The following SLC37A1 variants were observed in gnomAD, a reference collection of about 807,000 sequenced individuals.
SLC37A1 encodes the protein glucose-6-phosphate exchanger SLC37A1.
A neutral mutation model predicts 75.3 loss-of-function variants in SLC37A1; 49 were observed. That is an observed-to-expected ratio of 0.65 (90% CI 0.52 to 0.83). The LOEUF (loss-of-function observed/expected upper bound fraction) is 0.83, where lower values mean the gene tolerates loss of function less well. Ranked by LOEUF, SLC37A1 falls within the 40% of genes least tolerant of loss-of-function variation. SLC37A1 has a pLI of 0.00. For synonymous variants in SLC37A1, 268 were observed against 292.1 expected, an observed-to-expected ratio of 0.92 and a Z score of 0.84; for missense variants, 566 against 695.0, an observed-to-expected ratio of 0.81 and a Z score of 2.09.
At chr21:42,532,677 A>G (rs2055019632) in intron 3 of SLC37A1, among the ~76,000 whole-genome samples, 1 of 152,142 alleles carries the variant, frequency 6.6e-6, no homozygotes, top group Admixed American at 6.5e-5. Flanking sequence ...TCTCACGATC[A>G]CACTCCCAGC....
chr21:42,511,688 G>A (rs544047541), upstream of SLC37A1, among the ~76,000 whole-genome samples: 1 of 152,224 alleles, frequency 6.6e-6, no homozygotes, highest in Admixed American at 6.5e-5. Flanking sequence ...AGGAGGCTGA[G>A]GGGGAGGATC....
At chr21:42,544,593 G>A (rs371181358) in intron 8 of SLC37A1, among the ~76,000 whole-genome samples, 74 of 152,322 alleles carry the variant, frequency 4.9e-4, no homozygotes, top group African/African-American at 1.8e-3. Flanking sequence ...TGGGGGCCCC[G>A]GGCTGCACTC....
Position 42,570,088 on chromosome 21 carries a change from C to T in SLC37A1, c.1423+1650C>T, listed in dbSNP as rs1263290585. Among the ~76,000 whole-genome samples the T allele has an allele frequency of 8.6e-4, 92 of 107,288 alleles. 4 individuals carry two copies. Among genetic ancestry groups the T allele is most frequent in the Middle Eastern group, 5.0e-3 (1 of 200 alleles). The allele number at this position is 107,288 out of a possible 152,430, so 70.4% of individuals were successfully genotyped here. A position where few individuals can be genotyped will look rare whatever the true frequency, so the allele number is the denominator to read the frequency against. ...GGCCGTTGCCATGTCATGCGACACA[C>T]GGCCTGGTTCTGAGAAGTGGTGGGC... On this transcript the variant is annotated intron_variant, in intron 17 of 19. Transcript: ENST00000352133.
intron 17 of SLC37A1, among the ~76,000 whole-genome samples, chr21:42,570,127 CCATGTGACACACGGCCTGGT>C (rs2056104195): frequency 2.3e-5 from 1 of 43,180 alleles, no homozygotes; most frequent in African/African-American, 7.2e-5. Context: ...GTGGCTGTTG[CCATGTGACACACGGCCTGGT>C]TCTGAGAAGC....
At chr21:42,525,149 C>T (rs2054750316) in intron 2 of SLC37A1, among the ~76,000 whole-genome samples, 1 of 152,242 alleles carries the variant, frequency 6.6e-6, no homozygotes, top group Non-Finnish European at 1.5e-5. Context: ...AGCTCCCTGC[C>T]CCATACCTCG....
intron 3 of SLC37A1, among the ~76,000 whole-genome samples, chr21:42,533,675 A>G (rs1395013005): frequency 6.6e-6 from 1 of 151,488 alleles, no homozygotes; most frequent in African/African-American, 2.4e-5. Flanking sequence ...CTCTCTGCCC[A>G]GGGTTTGTTT....
At chr21:42,569,756 C>T (rs1439545983) in intron 17 of SLC37A1, among the ~76,000 whole-genome samples, 3 of 152,258 alleles carry the variant, frequency 2.0e-5, no homozygotes, top group Admixed American at 1.3e-4. Context: ...GCCACTGGAA[C>T]GGAAGCTCCA....
chr21:42,554,261 A>G, intron 10 of SLC37A1, 119 bp downstream of exon 10: 3 of 849,900 alleles, frequency 3.5e-6, no homozygotes, highest in Non-Finnish European at 5.4e-6. Flanking sequence ...TCCAGGTCTT[A>G]AAAAAATTCT....
At chr21:42,562,007 C>A in intron 11 of SLC37A1, 71 bp from the exon 12 acceptor site, 1 of 1,262,468 alleles carries the variant, frequency 7.9e-7, no homozygotes, top group Non-Finnish European at 1.2e-6. Context: ...TCATATTTAA[C>A]TCTGTTGCAT....
rs199715675 is a variant in SLC37A1, at chr21:42,539,492, T to C, written c.351-20T>C. On this transcript the variant is annotated intron_variant, in intron 5 of 19. Transcript: ENST00000352133. Reference sequence around the variant, plus strand: ...GGCGTGTTTGTTATTCCTATTTGTCTTTCCTTCTCTCCACCTCAGTGGCAT... The same window carrying C: ...GGCGTGTTTGTTATTCCTATTTGTCCTTCCTTCTCTCCACCTCAGTGGCAT... 1 of 1,599,864 alleles carries C rather than the reference T, an allele frequency of 6.3e-7. No homozygotes were observed. Among genetic ancestry groups the C allele is most frequent in the South Asian group, 1.1e-5 (1 of 88,742 alleles).
At position 42,570,110 on chromosome 21, in the gene SLC37A1, G is replaced by A. The variant is rs1392597903; in HGVS notation, c.1423+1672G>A. 1.3e-3 allele frequency among the ~76,000 whole-genome samples: 123 copies of A among 95,158 alleles called. 5 individuals carry two copies. Among genetic ancestry groups the A allele is most frequent in the South Asian group, 3.2e-3 (8 of 2,536 alleles). The allele number at this position is 95,158 out of a possible 152,430, so 62.4% of individuals were successfully genotyped here. On this transcript the variant is annotated intron_variant, in intron 17 of 19. Transcript: ENST00000352133. ...ACACGGCCTGGTTCTGAGAAGTGGT[G>A]GGCAGGGTGGCTGTTGCCATGTGAC...
rs1156339476 is a variant in SLC37A1 at position 42,554,100 on chromosome 21, A to G, written c.807A>G (p.Arg269=). 1 of 1,613,646 alleles carries G rather than the reference A, an allele frequency of 6.2e-7. No homozygotes were observed. The highest frequency in any genetic ancestry group is 1.1e-5 in the South Asian group (1 of 91,022). The part of the protein sequence containing the change: ...KGYENGTNRL[R]LQKQILKSEK... ...ATGAGAATGGTACAAACAGATTGAGACTCCAGAAGCAAATCTTGAAGAGCG... is the reference window on the plus strand; with the variant it reads ...ATGAGAATGGTACAAACAGATTGAGGCTCCAGAAGCAAATCTTGAAGAGCG... Residue 269 remains arginine, a synonymous_variant, in exon 10 of 20, where the codon AGA becomes AGG. Transcript: ENST00000352133.
At chr21:42,533,652 C>A (rs2055055949) in intron 3 of SLC37A1, among the ~76,000 whole-genome samples, 1 of 152,060 alleles carries the variant, frequency 6.6e-6, no homozygotes, top group Non-Finnish European at 1.5e-5. Flanking sequence ...TGCCTCCCGA[C>A]ACATGAGCTT....
intron 1 of SLC37A1, among the ~76,000 whole-genome samples, chr21:42,502,088 T>G (rs1171885127): frequency 6.6e-6 from 1 of 152,268 alleles, no homozygotes; most frequent in Non-Finnish European, 1.5e-5. Flanking sequence ...GTAACGTGTA[T>G]ATTTAGCTCA....
chr21:42,503,953 T>C lies in SLC37A1; in HGVS notation c.-179+1536T>C, dbSNP rs1372406410. Among the ~76,000 whole-genome samples, 2 of 152,062 alleles carry C rather than the reference T, an allele frequency of 1.3e-5. 1 individual carries two copies. The highest frequency in any genetic ancestry group is 4.2e-4 in the South Asian group (2 of 4,818). On this transcript the variant is annotated intron_variant, in intron 2 of 20. Coordinates refer to the SLC37A1 transcript ENST00000398341. Reference sequence around the variant, plus strand: ...GGGGCCCCTGGCAACCACATCCGGGTGGTACTAGAACATCTCAGTGCTGTT... The same window carrying C: ...GGGGCCCCTGGCAACCACATCCGGGCGGTACTAGAACATCTCAGTGCTGTT...
At chr21:42,559,196 C>T (rs564137591) in intron 11 of SLC37A1, 107 bp downstream of exon 11, 1 of 1,403,404 alleles carries the variant, frequency 7.1e-7, no homozygotes, top group Non-Finnish European at 9.5e-7. Flanking sequence ...GGTTGTAGAA[C>T]CCGGGGATTC....
At chr21:42,540,179 C>T (rs141379096) in intron 6 of SLC37A1, among the ~76,000 whole-genome samples, 1 of 152,330 alleles carries the variant, frequency 6.6e-6, no homozygotes, top group Non-Finnish European at 1.5e-5. Flanking sequence ...CTGAGGGCTG[C>T]AGTGTATGGT....
At position 42,567,820 on chromosome 21, in the gene SLC37A1, C is replaced by T. The variant is rs575237858; in HGVS notation, c.1345-540C>T. Reference sequence around the variant, plus strand: ...CTATGCAACATTTTCAAAACCAGAGCTCCTGGCGGCTGCTCACCGAGGACC... The same window carrying T: ...CTATGCAACATTTTCAAAACCAGAGTTCCTGGCGGCTGCTCACCGAGGACC... On this transcript the variant is annotated intron_variant, in intron 16 of 19. Coordinates refer to ENST00000352133, the MANE Select transcript of SLC37A1 (RefSeq NM_001320537.2). Among the ~76,000 whole-genome samples, 337 of 152,284 alleles carry T rather than the reference C, an allele frequency of 2.2e-3. 2 individuals carry two copies. The highest frequency in any genetic ancestry group is 4.2e-3 in the Non-Finnish European group (288 of 68,024).
At chr21:42,580,308 G>A in intron 19 of SLC37A1, 37 bp from the exon 20 acceptor site, 7 of 1,607,600 alleles carry the variant, frequency 4.4e-6, no homozygotes, top group Non-Finnish European at 5.9e-6. Flanking sequence ...GCCACTGCTG[G>A]CTGTTAGAGC....
Sources: gnomAD v4.1 joint callset for allele counts (sites outside exome capture counted in the v4.1 genomes callset) on GRCh38, gnomAD v4.1.1 for gene constraint, MANE v1.5 for transcripts, NCBI Gene and HGNC (gene_info 2026-07-23, HGNC 2026-07-21) for gene names.